The following SEMA6D variants were observed in gnomAD, a reference collection of about 807,000 sequenced individuals.
SEMA6D encodes the protein semaphorin 6D.
In SEMA6D, 35 loss-of-function variants were observed where a neutral mutation model predicts 106.6. The ratio of observed to expected loss-of-function variants is 0.33; its 90% CI spans 0.25 to 0.44. The LOEUF is 0.44. Among genes scored for constraint, SEMA6D ranks in the 20% least tolerant of loss-of-function variants. SEMA6D has a pLI of 1.00. For synonymous variants in SEMA6D, 499 were observed against 487.7 expected (o/e 1.02, Z -0.31); for missense variants, 1,185 against 1,345.9 (o/e 0.88, Z 1.87).
chr15:47,419,501 A>G lies in SEMA6D; in HGVS notation c.-159+7029A>G, dbSNP rs2041084171. On this transcript the variant is annotated intron_variant, in intron 2 of 19. Coordinates refer to the SEMA6D transcript ENST00000558014. ...GAGGAAGCACCAACAAGAGAAGGGG[A>G]GTATAGCCTGATGCCATGAAAGAGA... Among the ~76,000 whole-genome samples, 5 of 152,100 alleles carry G rather than the reference A, an allele frequency of 3.3e-5. No homozygotes were observed. In the South Asian group the frequency reaches 1.0e-3, roughly 32 times the overall value.
intron 4 of SEMA6D, among the ~76,000 whole-genome samples, chr15:47,676,312 C>T (rs2078244426): frequency 6.6e-6 from 1 of 152,196 alleles, no homozygotes; most frequent in South Asian, 2.1e-4. Flanking sequence ...ATTATCCAAG[C>T]TAGCTGCTAA....
At chr15:47,470,685 G>T (rs2042808987) in intron 3 of SEMA6D, 1 of 152,108 alleles carries the variant, frequency 6.6e-6, no homozygotes, top group Non-Finnish European at 1.5e-5. Flanking sequence ...ATTGGCATTA[G>T]ACGAGCTTGA....
intron 4 of SEMA6D, among the ~76,000 whole-genome samples, chr15:47,622,513 A>G (rs576521184): frequency 3.0e-4 from 46 of 152,252 alleles, no homozygotes; most frequent in Middle Eastern, 6.8e-3. Flanking sequence ...CTTTTAATGC[A>G]TCTCTTCAAC....
At chr15:47,503,688 G>C (rs1027193630) in intron 3 of SEMA6D, among the ~76,000 whole-genome samples, 6 of 106,446 alleles carry the variant, frequency 5.6e-5, no homozygotes, top group Admixed American at 2.3e-4. Flanking sequence ...CTCTCTCTCT[G>C]TCACACACAC....
At chr15:47,304,696 G>C (rs900842000) in intron 1 of SEMA6D, among the ~76,000 whole-genome samples, 1 of 152,088 alleles carries the variant, frequency 6.6e-6, no homozygotes, top group South Asian at 2.1e-4. Flanking sequence ...CAAATTGCTA[G>C]AAAGTCTCTT....
At chr15:47,497,201 G>A (rs1048505654) in intron 3 of SEMA6D, among the ~76,000 whole-genome samples, 1 of 151,888 alleles carries the variant, frequency 6.6e-6, no homozygotes, top group African/African-American at 2.4e-5. Context: ...CTCTGTGTTC[G>A]ATTCTATTTC....
At chr15:47,726,950 C>T (rs2079796121) in intron 1 of SEMA6D, among the ~76,000 whole-genome samples, 1 of 152,166 alleles carries the variant, frequency 6.6e-6, no homozygotes, top group South Asian at 2.1e-4. Context: ...TTCAGCCAAA[C>T]TGGAAAGGGG....
intron 1 of SEMA6D, among the ~76,000 whole-genome samples, chr15:47,727,102 A>G (rs901530447): frequency 2.6e-4 from 39 of 152,220 alleles, no homozygotes; most frequent in Non-Finnish European, 4.4e-4. Flanking sequence ...TTGAAGGACT[A>G]AACATGGATA....
chr15:47,388,580 C>T (rs1301229832), intron 1 of SEMA6D, among the ~76,000 whole-genome samples: 2 of 152,028 alleles, frequency 1.3e-5, no homozygotes, highest in African/African-American at 2.4e-5. Context: ...ATCAAAAAAA[C>T]GTAGTATACT....
chr15:47,748,947 T>C (rs1329807876), intron 1 of SEMA6D, among the ~76,000 whole-genome samples: 1 of 151,000 alleles, frequency 6.6e-6, no homozygotes, highest in Non-Finnish European at 1.5e-5. Flanking sequence ...TGGGATGTAC[T>C]GACAGGTTCA....
chr15:47,675,958 G>A (rs2078235963), intron 4 of SEMA6D, among the ~76,000 whole-genome samples: 1 of 143,944 alleles, frequency 6.9e-6, no homozygotes, highest in Middle Eastern at 3.2e-3. Flanking sequence ...GGAGGGGGGA[G>A]GGGGGAGAAG....
intron 1 of SEMA6D, among the ~76,000 whole-genome samples, chr15:47,745,412 C>G (rs2081073018): frequency 6.6e-6 from 1 of 152,222 alleles, no homozygotes; most frequent in Non-Finnish European, 1.5e-5. Context: ...GCTGGGGCAC[C>G]TACCTGGGCA....
Position 47,767,045 on chromosome 15 carries a change from C to T in SEMA6D, c.1717C>T (p.Pro573Ser). 6.4e-7 allele frequency: 1 copy of T among 1,550,634 alleles called. No individual in the cohort carries two copies. The highest frequency in any genetic ancestry group is 1.9e-5 in the Admixed American group (1 of 52,144). The change falls in exon 17 of 19, where the codon CCT becomes TCT. Residue 573 changes from proline to serine, a missense_variant. Physicochemically the swap from Pro to Ser is moderately conservative, Grantham distance 74 (BLOSUM62 -1). Around this residue, in one of 3 missense-constraint regions of SEMA6D, gnomAD observed 750 missense variants for 783.5 expected, o/e 0.96. Coordinates refer to ENST00000536845, the MANE Select transcript of SEMA6D (RefSeq NM_001358351.3). ...TCCTTTAATTCTTTTAGAAATTTTG[C>T]CTACTTCAACTACACCAGATTACAA... ...AHLGDCHEILPTSTTPDYKIF... is the reference protein window; with the variant it reads ...AHLGDCHEILSTSTTPDYKIF...
At chr15:47,367,681 C>CGT (rs1567030907) in intron 1 of SEMA6D, among the ~76,000 whole-genome samples, 9 of 39,098 alleles carry the variant, frequency 2.3e-4, no homozygotes, top group South Asian at 1.2e-3. Flanking sequence ...CGCTCACACG[C>CGT]GCGCGCGCGC....
At chr15:47,613,426 A>G (rs576173065) in intron 4 of SEMA6D, among the ~76,000 whole-genome samples, 1 of 152,188 alleles carries the variant, frequency 6.6e-6, no homozygotes, top group Non-Finnish European at 1.5e-5. Flanking sequence ...AAGCCTCCTC[A>G]GTCAGAAAGC....
chr15:47,631,859 A>T (rs921947810), intron 4 of SEMA6D, among the ~76,000 whole-genome samples: 6 of 151,994 alleles, frequency 3.9e-5, no homozygotes, highest in African/African-American at 1.4e-4. Context: ...CTTCTTTATT[A>T]TAATGTGTCT....
chr15:47,605,825 T>C (rs1334710549), intron 4 of SEMA6D, among the ~76,000 whole-genome samples: 1 of 152,228 alleles, frequency 6.6e-6, no homozygotes, highest in Non-Finnish European at 1.5e-5. Context: ...AGCTCCTCCA[T>C]GTGTTCACCA....
intron 3 of SEMA6D, among the ~76,000 whole-genome samples, chr15:47,593,384 C>T (rs1417706927): frequency 7.1e-5 from 8 of 112,586 alleles, no homozygotes; most frequent in South Asian, 3.2e-4. Flanking sequence ...CCGGCCTGGG[C>T]GACAGAGCGA....
At chr15:47,717,877 T>G (rs1236900835) in intron 1 of SEMA6D, among the ~76,000 whole-genome samples, 185 bp downstream of exon 1, 4 of 125,188 alleles carry the variant, frequency 3.2e-5, no homozygotes, top group African/African-American at 1.2e-4. Context: ...TGTGTGTGTG[T>G]GTTGCCACTG....
Sources: gnomAD v4.1 joint callset for allele counts (sites outside exome capture counted in the v4.1 genomes callset) on GRCh38, gnomAD v4.1.1 for gene constraint, gnomAD v4.1.1 regional missense constraint, MANE v1.5 for transcripts, NCBI Gene and HGNC (gene_info 2026-07-23, HGNC 2026-07-21) for gene names.